TMEM132D: variants seen among roughly 807,000 people sequenced by gnomAD.
TMEM132D encodes mature OL transmembrane protein.
In TMEM132D, 21 loss-of-function variants were observed where a neutral mutation model predicts 62.3. That is an observed-to-expected ratio of 0.34 (90% CI 0.24 to 0.49). TMEM132D has a LOEUF of 0.49. Ranked by LOEUF, TMEM132D falls within the 20% of genes least tolerant of loss-of-function variation. The pLI is 0.99. For missense variants in TMEM132D, 1,346 were observed against 1,402.8 expected (o/e 0.96, Z 0.65); for synonymous variants, 621 against 575.6 (o/e 1.08, Z -1.13).
At chr12:129,820,008 C>T (rs1313188511) in intron 1 of TMEM132D, among the ~76,000 whole-genome samples, 1 of 152,094 alleles carries the variant, frequency 6.6e-6, no homozygotes, top group Admixed American at 6.6e-5. Flanking sequence ...AGGTTTCTCT[C>T]AGCCCTTCCT....
intron 5 of TMEM132D, among the ~76,000 whole-genome samples, chr12:129,187,122 G>A (rs1044265595): frequency 3.3e-5 from 5 of 152,188 alleles, no homozygotes; most frequent in Non-Finnish European, 5.9e-5. Context: ...CTTTGCAGGA[G>A]CATCAAACAC....
In TMEM132D at chr12:129,162,137, T is replaced by C. The variant is rs541216043; in HGVS notation, c.1443+47383A>G. ...CTGGCTGTTTCAGAGACAGGGTCTT[T>C]AGGGAAGTAATTAAGGATAAATGAG... On this transcript the variant is annotated intron_variant, in intron 5 of 8. Transcript: ENST00000422113. 1.1e-4 allele frequency among the ~76,000 whole-genome samples: 17 copies of C among 152,256 alleles called. No individual in the cohort carries two copies. In the South Asian group the frequency reaches 3.1e-3, roughly 28 times the overall value.
chr12:129,209,692 C>G, intron 4 of TMEM132D, 29 bp from the exon 5 acceptor site: 1 of 1,613,046 alleles, frequency 6.2e-7, no homozygotes, highest in Non-Finnish European at 8.5e-7. Context: ...CCTTCCATCA[C>G]ATCCCCTCCT....
At chr12:129,896,482 T>C (rs1279230638) in intron 1 of TMEM132D, among the ~76,000 whole-genome samples, 2 of 152,224 alleles carry the variant, frequency 1.3e-5, no homozygotes, top group Admixed American at 1.3e-4. Context: ...CAGGCTATTT[T>C]ATCACTGAAG....
At chr12:129,183,111 C>T (rs917559052) in intron 5 of TMEM132D, among the ~76,000 whole-genome samples, 2 of 152,196 alleles carry the variant, frequency 1.3e-5, no homozygotes, top group African/African-American at 2.4e-5. Flanking sequence ...GGTTGCATTA[C>T]GTGTGTTCAT....
chr12:129,539,560 G>A (rs1404931701), intron 2 of TMEM132D, among the ~76,000 whole-genome samples: 1 of 129,922 alleles, frequency 7.7e-6, no homozygotes, highest in Admixed American at 8.5e-5. Context: ...GCCCGCCACT[G>A]GCTAATTTTT....
intron 4 of TMEM132D, among the ~76,000 whole-genome samples, chr12:129,298,823 G>A (rs1746724469): frequency 6.6e-6 from 1 of 152,168 alleles, no homozygotes. Context: ...GCCATTTGGT[G>A]GCTTAGTGAC....
At chr12:129,314,773 G>A (rs1593333899) in intron 4 of TMEM132D, among the ~76,000 whole-genome samples, 1 of 152,094 alleles carries the variant, frequency 6.6e-6, no homozygotes, top group African/African-American at 2.4e-5. Flanking sequence ...GTTTCCATTT[G>A]TTTGTGTTGT....
chr12:129,663,896 G>T (rs1290315903), intron 2 of TMEM132D, among the ~76,000 whole-genome samples: 2 of 151,986 alleles, frequency 1.3e-5, no homozygotes, highest in African/African-American at 4.8e-5. Flanking sequence ...TCTTTGCAAA[G>T]AAAGAAGTTG....
intron 3 of TMEM132D, among the ~76,000 whole-genome samples, chr12:129,476,437 C>T (rs1050290248): frequency 3.9e-5 from 6 of 152,200 alleles, no homozygotes; most frequent in African/African-American, 1.4e-4. Flanking sequence ...TGACTCCCAA[C>T]AGGCTTATCT....
chr12:129,530,204 G>A (rs1876174896), intron 3 of TMEM132D, among the ~76,000 whole-genome samples: 1 of 152,142 alleles, frequency 6.6e-6, no homozygotes, highest in Non-Finnish European at 1.5e-5. Flanking sequence ...TGAGATTCCT[G>A]AGCTCCCTGC....
chr12:129,486,750 T>C (rs141528635), intron 3 of TMEM132D, among the ~76,000 whole-genome samples: 224 of 152,200 alleles, frequency 1.5e-3, no homozygotes, highest in African/African-American at 5.1e-3. Context: ...AATTCTTTCT[T>C]GTATGCTTCC....
At chr12:129,369,033 G>A (rs1870512926) in intron 3 of TMEM132D, among the ~76,000 whole-genome samples, 1 of 152,164 alleles carries the variant, frequency 6.6e-6, no homozygotes, top group Admixed American at 6.5e-5. Context: ...AGACCCTGTG[G>A]TATCAATCAG....
intron 2 of TMEM132D, among the ~76,000 whole-genome samples, chr12:129,663,031 T>G (rs1880281298): frequency 6.6e-6 from 1 of 152,170 alleles, no homozygotes; most frequent in African/African-American, 2.4e-5. Context: ...GATTCTGACT[T>G]TCAGTCGCCT....
At chr12:129,462,015 AT>A (rs1873693687) in intron 3 of TMEM132D, among the ~76,000 whole-genome samples, 1 of 152,180 alleles carries the variant, frequency 6.6e-6, no homozygotes, top group Admixed American at 6.5e-5. Flanking sequence ...GGGCAAAAAG[AT>A]TTAAGTAACT....
At chr12:129,347,470 A>G (rs1593346154) in intron 3 of TMEM132D, among the ~76,000 whole-genome samples, 2 of 152,346 alleles carry the variant, frequency 1.3e-5, no homozygotes, top group Middle Eastern at 3.4e-3. Flanking sequence ...AGGATTCCCT[A>G]TTTAATAAAT....
At chr12:129,406,454 A>G (rs563604729) in intron 3 of TMEM132D, among the ~76,000 whole-genome samples, 40 of 152,150 alleles carry the variant, frequency 2.6e-4, no homozygotes, top group Admixed American at 7.8e-4. Context: ...CCCCGTCTCT[A>G]CTAAAAATAC....
chr12:129,497,172 G>A (rs1874984889), intron 3 of TMEM132D, among the ~76,000 whole-genome samples: 1 of 152,166 alleles, frequency 6.6e-6, no homozygotes, highest in African/African-American at 2.4e-5. Flanking sequence ...GCTGGGCGTG[G>A]TGGTGGGCTC....
rs1243623201 is a variant in TMEM132D at position 129,262,601 on chromosome 12, T to C, written c.1300-52938A>G. 10 of 152,192 alleles carry C rather than the reference T, an allele frequency of 6.6e-5. No homozygotes were observed. The East Asian group carries it at 1.9e-3, about 29-fold the overall frequency. 9.4% of individuals were successfully genotyped at this position (152,192 alleles called of 1,614,324 possible). On this transcript the variant is annotated intron_variant, in intron 4 of 8. Coordinates refer to ENST00000422113, the MANE Select transcript of TMEM132D (RefSeq NM_133448.3). ...CAGGAAATGCCACAAATCTGTATTT[T>C]TATGCATAATCTCTTATGTTTTGAA...
Sources: gnomAD v4.1 joint callset for allele counts (sites outside exome capture counted in the v4.1 genomes callset) on GRCh38, gnomAD v4.1.1 for gene constraint, MANE v1.5 for transcripts, NCBI Gene and HGNC (gene_info 2026-07-23, HGNC 2026-07-21) for gene names.